Variants in TBL1X observed in about 807,000 individuals in gnomAD.
TBL1X encodes the protein F-box-like/WD repeat-containing protein TBL1X.
TBL1X carries 10 observed loss-of-function variants against 50.7 expected under a neutral mutation model. The observed-to-expected ratio is 0.20, with a 90% CI of 0.12 to 0.33. TBL1X has a LOEUF of 0.33. Ranked by LOEUF, TBL1X falls within the 10% of genes least tolerant of loss-of-function variation. The probability of loss-of-function intolerance (pLI) is 1.00; values close to 1 mark genes in which losing one functional copy is unlikely to be tolerated. For synonymous variants in TBL1X, 190 were observed against 214.7 expected, an observed-to-expected ratio of 0.88 and a Z score of 1.01; for missense variants, 340 against 504.4, an observed-to-expected ratio of 0.67 and a Z score of 3.12.
intron 7 of TBL1X, among the ~76,000 whole-genome samples, chrX:9,690,656 A>T (rs1202395465): frequency 8.9e-6 from 1 of 112,034 alleles, no homozygotes; most frequent in African/African-American, 3.2e-5. Context: ...CAATTTGAAA[A>T]CATGGGCAGT....
In TBL1X at chrX:9,625,172, T is replaced by G. The variant is rs1324636097; in HGVS notation, c.-130-15101T>G. ...GGTTTTTAAATTTTTATGTGTTTAA[T>G]TGTGGTAAAAACACATAAAAGTTTC... On this transcript the variant is annotated intron_variant, in intron 2 of 17. Coordinates refer to ENST00000645353, the MANE Select transcript of TBL1X (RefSeq NM_005647.4). 2.7e-5 allele frequency among the ~76,000 whole-genome samples: 3 copies of G among 112,550 alleles called. 1 individual carries two copies. The East Asian group carries it at 8.3e-4, about 31-fold the overall frequency.
At chrX:9,696,000 T>C (rs2083129335) in intron 11 of TBL1X, among the ~76,000 whole-genome samples, 1 of 112,320 alleles carries the variant, frequency 8.9e-6, no homozygotes, top group Non-Finnish European at 1.9e-5. Flanking sequence ...ATAACATCCT[T>C]GTACATAACA....
intron 2 of TBL1X, among the ~76,000 whole-genome samples, chrX:9,588,382 A>AT (rs1389075367): frequency 9.0e-6 from 1 of 111,613 alleles, no homozygotes; most frequent in Non-Finnish European, 1.9e-5. Flanking sequence ...GTTTCCATTC[A>AT]TTTTTTGGCT....
At chrX:9,493,952 GTCTC>G (rs1489797310) in intron 1 of TBL1X, among the ~76,000 whole-genome samples, 4 of 111,438 alleles carry the variant, frequency 3.6e-5, no homozygotes, top group South Asian at 7.5e-4. Flanking sequence ...TATAGGAATT[GTCTC>G]TCTTTTTCTG....
chrX:9,634,050 A>G lies in TBL1X; in HGVS notation c.-130-6223A>G, dbSNP rs772149020. 1.1e-3 allele frequency among the ~76,000 whole-genome samples: 127 copies of G among 111,842 alleles called. 1 individual carries two copies. Among genetic ancestry groups the G allele is most frequent in the African/African-American group, 4.0e-3 (124 of 30,765 alleles). On this transcript the variant is annotated intron_variant, in intron 2 of 17. Transcript: ENST00000645353. The stretch of plus-strand genomic sequence containing the variant: ...GCATGACTGGCTGGTATGGCCTGGG[A>G]TATGTCAGTGAAGATACACCGTGAG...
At chrX:9,603,378 G>C (rs2082566226) in intron 2 of TBL1X, among the ~76,000 whole-genome samples, 1 of 112,622 alleles carries the variant, frequency 8.9e-6, no homozygotes, top group Non-Finnish European at 1.9e-5. Context: ...ATCTGTAAAT[G>C]CGTGTATGGC....
intron 1 of TBL1X, among the ~76,000 whole-genome samples, chrX:9,499,237 C>T (rs756990628): frequency 8.9e-6 from 1 of 111,823 alleles, no homozygotes; most frequent in African/African-American, 3.3e-5. Context: ...TTCCCAGAAC[C>T]CCTGAAAGAG....
intron 2 of TBL1X, among the ~76,000 whole-genome samples, chrX:9,556,172 G>A (rs1200811928): frequency 9.3e-6 from 1 of 107,458 alleles, no homozygotes; most frequent in African/African-American, 3.4e-5. Flanking sequence ...CTAGGTGCCA[G>A]TGAGACTGTG....
chrX:9,589,499 G>A (rs903506434), intron 2 of TBL1X, among the ~76,000 whole-genome samples: 7 of 110,898 alleles, frequency 6.3e-5, no homozygotes, highest in Admixed American at 1.9e-4. Context: ...GCAAGTTGCC[G>A]CATGGACTGA....
intron 2 of TBL1X, among the ~76,000 whole-genome samples, chrX:9,591,993 T>C (rs1333395345): frequency 3.6e-5 from 4 of 112,410 alleles, no homozygotes; most frequent in African/African-American, 1.3e-4. Flanking sequence ...CTCTTTTGAG[T>C]TGGAATATAA....
At chrX:9,623,316 G>T (rs1319966210) in intron 2 of TBL1X, among the ~76,000 whole-genome samples, 2 of 111,918 alleles carry the variant, frequency 1.8e-5, no homozygotes, top group African/African-American at 3.2e-5. Flanking sequence ...ATTGGAACAC[G>T]GTTATACCCA....
chrX:9,465,151 C>A lies in TBL1X; in HGVS notation c.-497C>A, dbSNP rs1423800685. 1.4e-4 allele frequency: 16 copies of A among 113,252 alleles called. No individual in the cohort carries two copies. The highest frequency in any genetic ancestry group is 2.7e-4 in the Non-Finnish European group (15 of 54,905). The allele number at this position is 113,252 out of a possible 1,213,427, so 9.3% of individuals were successfully genotyped here. A position where few individuals can be genotyped will look rare whatever the true frequency, so the allele number is the denominator to read the frequency against. ...GCTGCCGCCGCCGCCGCCGCCGCGC[C>A]CGCCTCAGCGCCCCCACTCCGCGCT... is the stretch of plus-strand genomic sequence containing the variant. On this transcript the variant is annotated 5_prime_UTR_variant, in exon 1 of 18. Transcript: ENST00000645353.
chrX:9,635,251 A>G (rs764357885), intron 2 of TBL1X, among the ~76,000 whole-genome samples: 3 of 111,086 alleles, frequency 2.7e-5, no homozygotes, highest in East Asian at 2.8e-4. Flanking sequence ...GGACACCCCA[A>G]AATATCTCCA....
chrX:9,712,543 G>A (rs1379760782), intron 16 of TBL1X, among the ~76,000 whole-genome samples: 1 of 111,804 alleles, frequency 8.9e-6, no homozygotes, highest in African/African-American at 3.3e-5. Flanking sequence ...TCACATGTTG[G>A]CCAGGATGGT....
intron 12 of TBL1X, among the ~76,000 whole-genome samples, 174 bp from the exon 13 acceptor site, chrX:9,704,819 C>T (rs1394076697): frequency 1.8e-5 from 2 of 111,971 alleles, no homozygotes; most frequent in Admixed American, 9.5e-5. Flanking sequence ...TTCTAGGCTG[C>T]GTTGAGCCAT....
intron 5 of TBL1X, among the ~76,000 whole-genome samples, chrX:9,678,422 C>G (rs1383157924): frequency 8.9e-6 from 1 of 112,345 alleles, no homozygotes; most frequent in Non-Finnish European, 1.9e-5. Context: ...TTTACACACA[C>G]TGGCAGTGAG....
At chrX:9,687,229 C>CA (rs199889610) in intron 6 of TBL1X, among the ~76,000 whole-genome samples, 19,360 of 111,074 alleles carry the variant, frequency 0.17, 1,384 homozygotes, top group Non-Finnish European at 0.22. Flanking sequence ...AAAGAATGGT[C>CA]AAAAAAACAT....
Position 9,717,585 on chromosome X carries a change from C to T in TBL1X, c.*1339C>T, listed in dbSNP as rs768729016. 1.8e-5 allele frequency: 2 copies of T among 113,184 alleles called. No individual in the cohort carries two copies. The highest frequency in any genetic ancestry group is 5.6e-4 in the East Asian group (2 of 3,583). The allele number at this position is 113,184 out of a possible 1,213,427, so 9.3% of individuals were successfully genotyped here. ...AGCGAAGAGCCGCGCGCCCTCTGGC[C>T]TCAAGGGAGCATTGGCAGAACCATA... On this transcript the variant is annotated 3_prime_UTR_variant, in exon 18 of 18. Coordinates refer to ENST00000645353, the MANE Select transcript of TBL1X (RefSeq NM_005647.4).
At chrX:9,515,383 A>G (rs1336759187) in intron 2 of TBL1X, among the ~76,000 whole-genome samples, 1 of 111,982 alleles carries the variant, frequency 8.9e-6, no homozygotes, top group African/African-American at 3.2e-5. Context: ...ACCCAACATC[A>G]TCAGCACAGG....
Sources: gnomAD v4.1 joint callset for allele counts (sites outside exome capture counted in the v4.1 genomes callset) on GRCh38, gnomAD v4.1.1 for gene constraint, MANE v1.5 for transcripts, NCBI Gene and HGNC (gene_info 2026-07-23, HGNC 2026-07-21) for gene names.